CASP8: variants seen among roughly 807,000 people sequenced by gnomAD.
CASP8 encodes caspase-8.
Under a neutral mutation model 46.3 loss-of-function variants are expected in CASP8, and 24 were observed. That is an observed-to-expected ratio of 0.52 (90% CI 0.38 to 0.73). The LOEUF (loss-of-function observed/expected upper bound fraction) is 0.73. Among genes scored for constraint, CASP8 ranks in the 30% least tolerant of loss-of-function variants. The pLI is 0.00. For synonymous variants in CASP8, 188 were observed against 200.4 expected (o/e 0.94, Z 0.52); for missense variants, 460 against 559.0 (o/e 0.82, Z 1.79).
intron 2 of CASP8, among the ~76,000 whole-genome samples, chr2:201,239,862 G>A (rs1396151569): frequency 6.6e-6 from 1 of 152,176 alleles, no homozygotes; most frequent in Admixed American, 6.5e-5. Context: ...AGCTGGGACA[G>A]CATTTGTCTG....
intron 2 of CASP8, among the ~76,000 whole-genome samples, chr2:201,243,524 T>A (rs1331425453): frequency 6.6e-6 from 1 of 152,222 alleles, no homozygotes; most frequent in Non-Finnish European, 1.5e-5. Flanking sequence ...TCCTGACATT[T>A]CTTTTTGATA....
intron 1 of CASP8, among the ~76,000 whole-genome samples, chr2:201,263,388 A>G (rs1204034567): frequency 6.6e-6 from 1 of 152,238 alleles, no homozygotes; most frequent in Non-Finnish European, 1.5e-5. Context: ...ATGCTGTAGA[A>G]GAAAAACTAA....
intron 2 of CASP8, among the ~76,000 whole-genome samples, chr2:201,251,615 A>G (rs1415988419): frequency 7.3e-6 from 1 of 137,164 alleles, no homozygotes; most frequent in Non-Finnish European, 1.6e-5. Context: ...AAAAAGAAAA[A>G]AAAATGGCCA....
chr2:201,235,622 A>G (rs1946015563), intron 2 of CASP8, among the ~76,000 whole-genome samples: 1 of 152,178 alleles, frequency 6.6e-6, no homozygotes, highest in Non-Finnish European at 1.5e-5. Context: ...TAGTACAGCC[A>G]CATGTTGTTT....
chr2:201,246,055 C>T (rs1307240763), intron 2 of CASP8, among the ~76,000 whole-genome samples: 3 of 151,956 alleles, frequency 2.0e-5, no homozygotes, highest in Admixed American at 6.6e-5. Context: ...TTAGTAGAGA[C>T]GGGGTTTCTC....
chr2:201,286,103 C>G (rs915995977), intron 8 of CASP8, among the ~76,000 whole-genome samples: 5 of 152,118 alleles, frequency 3.3e-5, no homozygotes, highest in African/African-American at 1.2e-4. Context: ...TCCGCAGATG[C>G]GATGTCAATT....
At chr2:201,268,992 G>A (rs1055924219) in intron 2 of CASP8, among the ~76,000 whole-genome samples, 3 of 151,542 alleles carry the variant, frequency 2.0e-5, no homozygotes, top group African/African-American at 7.3e-5. Flanking sequence ...AAGCTGGAGT[G>A]CAGTGGCATG....
chr2:201,275,055 C>G, intron 6 of CASP8, 102 bp downstream of exon 6: 1 of 823,298 alleles, frequency 1.2e-6, no homozygotes, highest in Non-Finnish European at 2.0e-6. Context: ...TGACAAGGGG[C>G]AGAAACTTAC....
chr2:201,255,405 T>C (rs1462219538), intron 2 of CASP8, among the ~76,000 whole-genome samples: 2 of 152,082 alleles, frequency 1.3e-5, no homozygotes, highest in East Asian at 3.9e-4. Context: ...CATATATATA[T>C]ACACACACAC....
Position 201,272,364 on chromosome 2 carries a change from G to A in CASP8, c.412-274G>A, listed in dbSNP as rs564547365. Among the ~76,000 whole-genome samples the A allele has an allele frequency of 6.6e-6, 1 of 152,224 alleles. No individual in the cohort carries two copies. Among genetic ancestry groups the A allele is most frequent in the South Asian group, 2.1e-4 (1 of 4,826 alleles). ...GGTTGTTTCACAGTCCCCAAGTAAT[G>A]CATTCGCAGGAGATTTGAGCACAGG... On this transcript the variant is annotated intron_variant, in intron 3 of 8. Transcript: ENST00000673742. The surrounding 1 kb of genome is among the most constrained non-coding windows in gnomAD (Gnocchi z 4.4).
chr2:201,267,712 T>C (rs1293001411), intron 2 of CASP8, among the ~76,000 whole-genome samples: 4 of 152,212 alleles, frequency 2.6e-5, no homozygotes, highest in Admixed American at 6.5e-5. Flanking sequence ...CTTAAAGCAA[T>C]TTTAGCTTTG....
At chr2:201,250,452 C>A (rs1946727937) in intron 2 of CASP8, among the ~76,000 whole-genome samples, 1 of 152,136 alleles carries the variant, frequency 6.6e-6, no homozygotes. Flanking sequence ...CTGGGGAGGC[C>A]TCAGGAAACT....
chr2:201,249,869 T>G (rs1946701743), intron 2 of CASP8, among the ~76,000 whole-genome samples: 1 of 152,244 alleles, frequency 6.6e-6, no homozygotes, highest in African/African-American at 2.4e-5. Flanking sequence ...CCAATATTGA[T>G]ATTGTAGGGG....
In CASP8 at chr2:201,253,293, CTTTTTTTTTTTTTT is replaced by C. The variant is rs34341476; in HGVS notation, c.-26-13151_-26-13138del. Among the ~76,000 whole-genome samples, 24 of 67,966 alleles carry C rather than the reference CTTTTTTTTTTTTTT, an allele frequency of 3.5e-4. No individual in the cohort carries two copies. In the East Asian group the frequency reaches 8.6e-3, roughly 24 times the overall value. The allele number at this position is 67,966 out of a possible 152,430, so 44.6% of individuals were successfully genotyped here. ...TGTGAGCCACTGCACCTAGCCTGAT[CTTTTTTTTTTTTTT>C]TTTTTTTTTTTTTTTTAAGAAACAG... is the stretch of plus-strand genomic sequence containing the variant. On this transcript the variant is annotated intron_variant, in intron 2 of 6. Transcript: ENST00000264274.
chr2:201,269,605 G>C, intron 2 of CASP8: 1 of 1,607,612 alleles, frequency 6.2e-7, no homozygotes, highest in Non-Finnish European at 8.5e-7. Context: ...CTATTAATAA[G>C]GCAGGATCTC....
At chr2:201,249,719 T>C (rs760225937) in intron 2 of CASP8, among the ~76,000 whole-genome samples, 1 of 152,140 alleles carries the variant, frequency 6.6e-6, no homozygotes, top group Non-Finnish European at 1.5e-5. Context: ...AGAGAGACCC[T>C]GTCTCAGAAA....
Position 201,274,877 on chromosome 2 carries a change from C to T in CASP8, c.596-12C>T, listed in dbSNP as rs756817274. 3.5e-5 allele frequency: 56 copies of T among 1,605,716 alleles called. No individual in the cohort carries two copies. Among genetic ancestry groups the T allele is most frequent in the East Asian group, 1.1e-4 (5 of 44,838 alleles). On this transcript the variant is annotated splice_polypyrimidine_tract_variant and intron_variant, in intron 5 of 8. Transcript: ENST00000673742. ...ATGTCTCATTCTAGATGTGTCTCTTCGTTGTTTGCAGGGGAGGAGTTGTGT... is the reference window on the plus strand; with the variant it reads ...ATGTCTCATTCTAGATGTGTCTCTTTGTTGTTTGCAGGGGAGGAGTTGTGT...
chr2:201,281,552 TAGAG>T (rs1949009437), intron 7 of CASP8, among the ~76,000 whole-genome samples: 2 of 150,474 alleles, frequency 1.3e-5, no homozygotes, highest in African/African-American at 4.9e-5. Flanking sequence ...TGGGGAGGGA[TAGAG>T]AGGGGATAAC....
intron 2 of CASP8, among the ~76,000 whole-genome samples, chr2:201,236,853 G>C (rs951210677): frequency 6.6e-6 from 1 of 152,202 alleles, no homozygotes; most frequent in Non-Finnish European, 1.5e-5. Context: ...CTATCCATCT[G>C]CCTCGGCTGC....
Sources: allele counts gnomAD v4.1 joint callset (sites outside exome capture counted in the v4.1 genomes callset), GRCh38; gene constraint gnomAD v4.1.1; non-coding constraint Gnocchi (gnomAD v3.1); transcripts MANE v1.5; gene names NCBI Gene and HGNC (gene_info 2026-07-23, HGNC 2026-07-21).